ZBED6: variants seen among roughly 807,000 people sequenced by gnomAD.
The protein encoded by ZBED6 is zinc finger BED-type containing 6, also known as zinc finger BED domain-containing protein 6.
In ZBED6, 40 loss-of-function variants were observed where a neutral mutation model predicts 58.4. The observed-to-expected ratio is 0.68, with a 90% CI of 0.53 to 0.89. The LOEUF is 0.89. ZBED6 is among the 40% of genes least tolerant of loss of function. ZBED6 has a pLI of 0.00. For missense variants in ZBED6, 1,057 were observed against 1,003.9 expected (o/e 1.05, Z -0.71); for synonymous variants, 439 against 350.6 (o/e 1.25, Z -2.82).
intron 13 of ZBED6, 144 bp from the exon 14 acceptor site, chr1:203,849,567 C>G: frequency 3.8e-6 from 3 of 790,510 alleles, no homozygotes. Context: ...AGGGTATTGT[C>G]TATTTAACAT....
At chr1:203,829,068 ACT>A (rs1415767190) in intron 4 of ZBED6, among the ~76,000 whole-genome samples, 3 of 152,226 alleles carry the variant, frequency 2.0e-5, no homozygotes, top group Non-Finnish European at 4.4e-5. Context: ...AAAAAAGTAG[ACT>A]TATTCCTTTC....
chr1:203,852,966 A>G (rs1000273857), exon 17 of ZBED6: 2 of 155,520 alleles, frequency 1.3e-5, no homozygotes, highest in Non-Finnish European at 2.9e-5. Flanking sequence ...TAATGTGGGC[A>G]TAACTCTTTG....
chr1:203,810,001 A>G lies in ZBED6; in HGVS notation c.*2555-6925A>G, dbSNP rs1673803709. 2.0e-5 allele frequency among the ~76,000 whole-genome samples: 3 copies of G among 152,114 alleles called. No individual in the cohort carries two copies. The South Asian group carries it at 6.2e-4, about 32-fold the overall frequency. ...AAAAGTAACTGGGTTTTTCTTGGCA[A>G]CCTAGATACTTTTTTTTTCCTTTTA... is the stretch of plus-strand genomic sequence containing the variant. On this transcript the variant is annotated intron_variant, in intron 1 of 16. Coordinates refer to ENST00000550078, the Ensembl canonical transcript of ZBED6.
At chr1:203,847,272 A>C (rs761745558) in exon 12 of ZBED6, 1 of 1,613,842 alleles carries the variant, frequency 6.2e-7, no homozygotes, top group African/African-American at 1.3e-5. Flanking sequence ...GAGAATTGCA[A>C]ACTAAACTCA....
At chr1:203,852,095 CTA>C in intron 16 of ZBED6, 44 bp from the exon 17 acceptor site, 1 of 1,586,888 alleles carries the variant, frequency 6.3e-7, no homozygotes. Flanking sequence ...ATTCAGCCAA[CTA>C]TTTTTAAAAC....
intron 3 of ZBED6, among the ~76,000 whole-genome samples, chr1:203,824,274 TAA>T (rs5780199): frequency 4.3e-4 from 60 of 139,962 alleles, no homozygotes; most frequent in Admixed American, 1.1e-3. Flanking sequence ...ATCTCAAAAT[TAA>T]AAAAAAAAAA....
At chr1:203,818,740 G>T in intron 3 of ZBED6, 51 bp downstream of exon 3, 2 of 1,610,876 alleles carry the variant, frequency 1.2e-6, no homozygotes, top group Non-Finnish European at 1.7e-6. Flanking sequence ...GACCTGGTGG[G>T]CCAATAAAAA....
At chr1:203,836,164 C>CTTGAGTCCAGGAGT in intron 9 of ZBED6, among the ~76,000 whole-genome samples, 1 of 152,164 alleles carries the variant, frequency 6.6e-6, no homozygotes, top group Admixed American at 6.5e-5. Flanking sequence ...TAGAGGATCC[C>CTTGAGTCCAGGAGT]TTGAGTCCAG....
intron 1 of ZBED6, among the ~76,000 whole-genome samples, chr1:203,808,182 T>C (rs1042636113): frequency 1.4e-4 from 21 of 152,248 alleles, no homozygotes; most frequent in Admixed American, 1.1e-3. Context: ...TAAAAACTTC[T>C]AAGTTCTGAG....
At chr1:203,825,804 A>ATT (rs200102832) in intron 3 of ZBED6, among the ~76,000 whole-genome samples, 28 of 150,090 alleles carry the variant, frequency 1.9e-4, no homozygotes, top group African/African-American at 6.8e-4. Flanking sequence ...GTCACTTGTG[A>ATT]TTTTTTTTTT....
In ZBED6 at chr1:203,801,071, A is replaced by G. The variant is rs796273400; in HGVS notation, c.*609A>G. On this transcript the variant is annotated 3_prime_UTR_variant, in exon 1 of 17. Transcript: ENST00000550078. ...AGGGAAATATTAGAAAACAATTAGGAAAATATACTTTTAGTCTTTGAAATG... is the reference window on the plus strand; with the variant it reads ...AGGGAAATATTAGAAAACAATTAGGGAAATATACTTTTAGTCTTTGAAATG... 3.9e-5 allele frequency: 6 copies of G among 152,336 alleles called. No homozygotes were observed. In the South Asian group the frequency reaches 6.2e-4, roughly 16 times the overall value. 9.4% of individuals were successfully genotyped at this position (152,336 alleles called of 1,614,324 possible).
At chr1:203,809,877 C>T (rs1250574417) in intron 1 of ZBED6, among the ~76,000 whole-genome samples, 2 of 152,110 alleles carry the variant, frequency 1.3e-5, no homozygotes, top group Non-Finnish European at 2.9e-5. Flanking sequence ...TTGCTTGAAC[C>T]CAGGAGGTGG....
chr1:203,847,793 A>G, intron 12 of ZBED6, 106 bp downstream of exon 12: 1 of 1,479,356 alleles, frequency 6.8e-7, no homozygotes, highest in Non-Finnish European at 9.1e-7. Flanking sequence ...CTTTACTCAG[A>G]TAACGTTGAA....
chr1:203,845,994 A>G (rs954843933), intron 11 of ZBED6, among the ~76,000 whole-genome samples: 25 of 151,574 alleles, frequency 1.6e-4, no homozygotes, highest in Non-Finnish European at 3.1e-4. Flanking sequence ...TTAAGATTTC[A>G]GACTGGGTAT....
intron 3 of ZBED6, among the ~76,000 whole-genome samples, chr1:203,821,253 C>A (rs1205223600): frequency 6.6e-6 from 1 of 152,134 alleles, no homozygotes; most frequent in Admixed American, 6.6e-5. Context: ...TCACCTCCTG[C>A]CATAATTATA....
At chr1:203,838,305 T>C (rs1685000530) in intron 10 of ZBED6, among the ~76,000 whole-genome samples, 1 of 152,242 alleles carries the variant, frequency 6.6e-6, no homozygotes, top group Admixed American at 6.5e-5. Context: ...GGAATACTTA[T>C]AAATGCGATA....
exon 1 of ZBED6, chr1:203,801,118 T>C (rs1670433639): frequency 6.6e-6 from 1 of 152,142 alleles, no homozygotes; most frequent in Non-Finnish European, 1.5e-5. Flanking sequence ...CTTTATAAAA[T>C]ATTATAAAAA....
At chr1:203,809,454 G>T (rs1673590893) in intron 1 of ZBED6, among the ~76,000 whole-genome samples, 1 of 151,948 alleles carries the variant, frequency 6.6e-6, no homozygotes, top group East Asian at 1.9e-4. Flanking sequence ...GGGATTACAG[G>T]CCTGAGCCAC....
chr1:203,838,172 C>T, intron 10 of ZBED6, 108 bp downstream of exon 10: 2 of 1,008,658 alleles, frequency 2.0e-6, no homozygotes, highest in Admixed American at 2.7e-5. Context: ...AATAGGTTAT[C>T]TTGTATTTGT....
Sources: allele counts gnomAD v4.1 joint callset (sites outside exome capture counted in the v4.1 genomes callset), GRCh38; gene constraint gnomAD v4.1.1; transcripts MANE v1.5; gene names NCBI Gene and HGNC (gene_info 2026-07-23, HGNC 2026-07-21).